The following SEC62 variants were observed in gnomAD, a reference collection of about 807,000 sequenced individuals.
SEC62 encodes SEC62 preprotein translocation factor, also known as translocation protein SEC62.
A neutral mutation model predicts 47.5 loss-of-function variants in SEC62; 10 were observed. The ratio of observed to expected loss-of-function variants is 0.21; its 90% CI spans 0.13 to 0.36. The LOEUF is 0.36. SEC62 is among the 10% of genes least tolerant of loss of function. SEC62 has a pLI of 1.00. For synonymous variants in SEC62, 136 were observed against 150.5 expected (o/e 0.90, Z 0.71); for missense variants, 327 against 464.1 (o/e 0.70, Z 2.71).
chr3:169,981,247 A>T (rs1714966708), intron 3 of SEC62, among the ~76,000 whole-genome samples: 1 of 152,226 alleles, frequency 6.6e-6, no homozygotes, highest in Non-Finnish European at 1.5e-5. Flanking sequence ...GCTCTTCCAA[A>T]TAAGTAGTAT....
At chr3:169,971,701 T>C (rs1714702868) in intron 1 of SEC62, among the ~76,000 whole-genome samples, 1 of 152,214 alleles carries the variant, frequency 6.6e-6, no homozygotes, top group Non-Finnish European at 1.5e-5. Context: ...CATATCAGGT[T>C]CCCTATTGCG....
chr3:169,969,205 T>C (rs1714631460), intron 1 of SEC62: 1 of 422,060 alleles, frequency 2.4e-6, no homozygotes, highest in South Asian at 1.7e-5. Flanking sequence ...ACTTTGCACA[T>C]TGGGGAGAAA....
intron 1 of SEC62, among the ~76,000 whole-genome samples, chr3:169,968,086 A>T (rs1471314464): frequency 6.6e-6 from 1 of 152,212 alleles, no homozygotes; most frequent in African/African-American, 2.4e-5. Context: ...TCGAGTTCAG[A>T]CAGATAAGAC....
chr3:169,967,197 G>T (rs1175818482), intron 1 of SEC62, among the ~76,000 whole-genome samples: 1 of 152,210 alleles, frequency 6.6e-6, no homozygotes. Context: ...CTCCCCTGGG[G>T]CGCAGACGCT....
chr3:169,968,937 C>T (rs1714622432), intron 1 of SEC62, among the ~76,000 whole-genome samples: 1 of 152,162 alleles, frequency 6.6e-6, no homozygotes, highest in Non-Finnish European at 1.5e-5. Context: ...TACTTTCATG[C>T]AGCCTAACAC....
In SEC62 at chr3:169,992,901, CAGG is replaced by C; in HGVS notation, c.1042_1044del (p.Arg348del). 2.5e-6 allele frequency: 4 copies of C among 1,613,666 alleles called. No homozygotes were observed. Among genetic ancestry groups the C allele is most frequent in the Non-Finnish European group, 3.4e-6 (4 of 1,179,954 alleles). ...AACGGCATTCAGACACGGACAGTGA[CAGG>C]AGGGAAGATGATCGATCCCAGCACA... On this transcript the variant is annotated inframe_deletion, in exon 8 of 8. Coordinates refer to ENST00000337002, the MANE Select transcript of SEC62 (RefSeq NM_003262.4). The surrounding 1 kb of genome is among the most constrained non-coding windows in gnomAD (Gnocchi z 4.0).
intron 1 of SEC62, among the ~76,000 whole-genome samples, chr3:169,974,538 T>C (rs1714780198): frequency 6.6e-6 from 1 of 152,050 alleles, no homozygotes; most frequent in Non-Finnish European, 1.5e-5. Flanking sequence ...AATAGAAAAT[T>C]TGGGAAAAGA....
intron 5 of SEC62, chr3:169,983,507 G>A: frequency 3.9e-6 from 1 of 254,906 alleles, no homozygotes; most frequent in South Asian, 5.7e-5. Flanking sequence ...TTTTTTATCA[G>A]TGAAATCTGT....
chr3:169,977,258 C>A (rs1030339714), intron 3 of SEC62, among the ~76,000 whole-genome samples: 1 of 151,804 alleles, frequency 6.6e-6, no homozygotes, highest in African/African-American at 2.4e-5. Flanking sequence ...TATTTATGTT[C>A]TATTTTATAT....
intron 5 of SEC62, 164 bp from the exon 6 acceptor site, chr3:169,985,641 C>T (rs1224264860): frequency 4.1e-6 from 2 of 493,726 alleles, no homozygotes; most frequent in Non-Finnish European, 7.1e-6. Flanking sequence ...AGAAGAACCA[C>T]TACTACTGAA....
intron 3 of SEC62, 142 bp downstream of exon 3, chr3:169,977,193 C>T (rs1209063404): frequency 1.4e-5 from 7 of 486,204 alleles, no homozygotes; most frequent in Admixed American, 1.4e-4. Context: ...TTCTTTGGTA[C>T]CTCTGGAAAT....
At chr3:169,969,765 A>G (rs1053925181) in intron 1 of SEC62, among the ~76,000 whole-genome samples, 1 of 152,228 alleles carries the variant, frequency 6.6e-6, no homozygotes, top group Non-Finnish European at 1.5e-5. Context: ...TGACTTCTTT[A>G]TTATTGAATT....
chr3:169,974,454 G>T (rs1714777909), intron 1 of SEC62, among the ~76,000 whole-genome samples: 2 of 152,232 alleles, frequency 1.3e-5, no homozygotes, highest in Admixed American at 6.5e-5. Context: ...TAAATTCACA[G>T]GAGGAATTGT....
intron 6 of SEC62, among the ~76,000 whole-genome samples, chr3:169,987,038 T>C (rs1035267754): frequency 4.0e-5 from 6 of 151,762 alleles, no homozygotes; most frequent in African/African-American, 1.5e-4. Context: ...CAGGAGGTTT[T>C]ATGGGGAAAG....
At chr3:169,980,905 T>G (rs1388665899) in intron 3 of SEC62, among the ~76,000 whole-genome samples, 2 of 152,214 alleles carry the variant, frequency 1.3e-5, no homozygotes, top group Admixed American at 1.3e-4. Flanking sequence ...ATTTTTATTT[T>G]CATTTGGAGT....
At chr3:169,977,309 T>C (rs954369447) in intron 3 of SEC62, among the ~76,000 whole-genome samples, 24 of 152,232 alleles carry the variant, frequency 1.6e-4, no homozygotes, top group African/African-American at 5.8e-4. Context: ...AAAAGTCATA[T>C]ACCAGTGCCT....
chr3:169,992,626 A>G lies in SEC62; in HGVS notation c.763A>G (p.Ile255Val). 1 of 1,613,692 alleles carries G rather than the reference A, an allele frequency of 6.2e-7. No individual in the cohort carries two copies. The highest frequency in any genetic ancestry group is 1.3e-5 in the African/African-American group (1 of 75,002). Reference protein sequence around the residue: ...RCILFLIIWLITGGRHHFWFL... With the variant: ...RCILFLIIWLVTGGRHHFWFL... ...CATTCTATTTCTCATCATTTGGCTC[A>G]TAACTGGAGGAAGGCACCACTTTTG... The change falls in exon 8 of 8, where the codon ATA becomes GTA. Residue 255 changes from isoleucine (I) to valine (V), a missense_variant. Around this residue, in one of 3 missense-constraint regions of SEC62, gnomAD observed 99 missense variants for 194.0 expected, o/e 0.51. Transcript: ENST00000337002. This position sits in a 1 kb window ranked among gnomAD's most constrained non-coding sequence, Gnocchi z 4.0.
chr3:169,984,839 A>G (rs550976329), intron 5 of SEC62, among the ~76,000 whole-genome samples: 3 of 152,306 alleles, frequency 2.0e-5, no homozygotes, highest in South Asian at 4.1e-4. Flanking sequence ...ACTGTTATTT[A>G]TAGAAACTAA....
Position 169,994,834 on chromosome 3 carries a change from A to AT in SEC62, c.*1777dup, listed in dbSNP as rs974454543. The AT allele has an allele frequency of 6.6e-6, 1 of 152,124 alleles. No homozygotes were observed. The highest frequency in any genetic ancestry group is 2.4e-5 in the African/African-American group (1 of 41,422). The allele number at this position is 152,124 out of a possible 1,614,324, so 9.4% of individuals were successfully genotyped here. On this transcript the variant is annotated 3_prime_UTR_variant, in exon 8 of 8. Transcript: ENST00000337002. ...CCAGGCACTCAATATTCATCCTGAA[A>AT]TTTTTTATAATATATGTAATTTGTC...
Sources: allele counts gnomAD v4.1 joint callset (sites outside exome capture counted in the v4.1 genomes callset), GRCh38; gene constraint gnomAD v4.1.1; regional missense constraint gnomAD v4.1.1; non-coding constraint Gnocchi (gnomAD v3.1); transcripts MANE v1.5; gene names NCBI Gene and HGNC (gene_info 2026-07-23, HGNC 2026-07-21).